Variants in KLF12 observed in about 807,000 individuals in gnomAD.
The protein encoded by KLF12 is Krueppel-like factor 12.
In KLF12, 9 loss-of-function variants were observed where a neutral mutation model predicts 37.8. The observed-to-expected ratio is 0.24, with a 90% CI of 0.14 to 0.42. The LOEUF (loss-of-function observed/expected upper bound fraction) is 0.42, where lower values mean the gene tolerates loss of function less well. Ranked by LOEUF, KLF12 falls within the 10% of genes least tolerant of loss-of-function variation. KLF12 has a pLI of 1.00. For missense variants in KLF12, 411 were observed against 516.0 expected (o/e 0.80, Z 1.97); for synonymous variants, 208 against 202.1 (o/e 1.03, Z -0.25).
At chr13:73,983,470 G>A (rs137892415) in intron 2 of KLF12, among the ~76,000 whole-genome samples, 391 of 152,208 alleles carry the variant, frequency 2.6e-3, no homozygotes, top group Non-Finnish European at 4.6e-3. Context: ...CTCCAGCACC[G>A]TGTCCTCCCA....
chr13:74,145,913 G>A, the KLF12 span, among the ~76,000 whole-genome samples: 1 of 152,136 alleles, frequency 6.6e-6, no homozygotes, highest in Non-Finnish European at 1.5e-5. Context: ...TAGTATCACA[G>A]AGTCTAAGAA....
At chr13:74,179,585 G>A in the KLF12 span, among the ~76,000 whole-genome samples, 1 of 152,166 alleles carries the variant, frequency 6.6e-6, no homozygotes, top group African/African-American at 2.4e-5. Flanking sequence ...CATTTGCTCA[G>A]TAATTTAACT....
intron 2 of KLF12, among the ~76,000 whole-genome samples, chr13:73,968,543 T>G (rs910473689): frequency 3.9e-5 from 6 of 152,194 alleles, no homozygotes; most frequent in African/African-American, 1.4e-4. Context: ...TCTTTCGTCG[T>G]CATCTATGCT....
intron 5 of KLF12, chr13:73,802,089 T>C (rs1882308351): frequency 6.6e-6 from 1 of 152,080 alleles, no homozygotes; most frequent in Non-Finnish European, 1.5e-5. Flanking sequence ...TTCGATTTAG[T>C]TGGGGGGTGT....
chr13:73,784,158 C>T (rs1398047584), intron 5 of KLF12, among the ~76,000 whole-genome samples: 2 of 152,174 alleles, frequency 1.3e-5, no homozygotes, highest in Non-Finnish European at 2.9e-5. Context: ...TCTGTTGCTT[C>T]TTTCAGAGCT....
At chr13:74,103,264 T>C (rs112327468) in intron 1 of KLF12, among the ~76,000 whole-genome samples, 108 of 152,352 alleles carry the variant, frequency 7.1e-4, no homozygotes, top group African/African-American at 2.5e-3. Flanking sequence ...TCCCAGCTGT[T>C]GAAAAATTTC....
chr13:73,914,466 G>C (rs1396924040), intron 3 of KLF12, among the ~76,000 whole-genome samples: 1 of 152,218 alleles, frequency 6.6e-6, no homozygotes, highest in Non-Finnish European at 1.5e-5. Context: ...CACTCAAATA[G>C]ATGTGGAGAG....
At chr13:73,946,823 C>G (rs950912052) in intron 2 of KLF12, among the ~76,000 whole-genome samples, 1 of 152,216 alleles carries the variant, frequency 6.6e-6, no homozygotes, top group Non-Finnish European at 1.5e-5. Context: ...CGGATCTAAC[C>G]TCAATCCTCA....
chr13:73,712,077 G>A (rs1163132119), intron 7 of KLF12, among the ~76,000 whole-genome samples: 2 of 152,102 alleles, frequency 1.3e-5, no homozygotes, highest in Admixed American at 1.3e-4. Context: ...GGTGGCTCAC[G>A]CCTGTAATCC....
At chr13:74,043,713 A>G (rs1477671731) in intron 1 of KLF12, among the ~76,000 whole-genome samples, 3 of 152,218 alleles carry the variant, frequency 2.0e-5, no homozygotes, top group African/African-American at 7.2e-5. Context: ...GAAAGCATAC[A>G]TTTCTCTACT....
At chr13:74,119,892 G>C (rs1306287713) in intron 1 of KLF12, among the ~76,000 whole-genome samples, 3 of 151,440 alleles carry the variant, frequency 2.0e-5, no homozygotes, top group Non-Finnish European at 2.9e-5. Flanking sequence ...ACACCTATAT[G>C]CATCATAGTA....
chr13:74,031,781 T>A (rs1455306630), intron 1 of KLF12, among the ~76,000 whole-genome samples: 1 of 122,214 alleles, frequency 8.2e-6, no homozygotes, highest in African/African-American at 3.2e-5. Flanking sequence ...CGTGATTCTT[T>A]TCCAACAAAT....
chr13:73,774,187 T>G (rs1880440558), intron 5 of KLF12, among the ~76,000 whole-genome samples: 1 of 152,066 alleles, frequency 6.6e-6, no homozygotes, highest in South Asian at 2.1e-4. Flanking sequence ...ATAGTAGTCT[T>G]ATTTTACCTA....
rs564518865 is a variant in KLF12, at chr13:73,824,652, C to T, written c.671-11365G>A. ...TCATGTCCTCATCTTATACCAACTC[C>T]GAAGAGAAAAATTTACTCTGTAAAA... is the stretch of plus-strand genomic sequence containing the variant. On this transcript the variant is annotated intron_variant, in intron 4 of 7. Transcript: ENST00000377669. Among the ~76,000 whole-genome samples the T allele has an allele frequency of 2.6e-5, 4 of 152,152 alleles. No individual in the cohort carries two copies. The South Asian group carries it at 6.2e-4, about 24-fold the overall frequency.
chr13:74,268,980 A>G, the KLF12 span, among the ~76,000 whole-genome samples: 2 of 152,226 alleles, frequency 1.3e-5, no homozygotes, highest in South Asian at 4.1e-4. Flanking sequence ...GGAGGCAGAA[A>G]GGAGAATGGA....
At chr13:74,137,222 A>G (rs1196986769), upstream of KLF12, among the ~76,000 whole-genome samples, 1 of 152,240 alleles carries the variant, frequency 6.6e-6, no homozygotes, top group East Asian at 1.9e-4. Flanking sequence ...GTGAAAAGTC[A>G]GAAAATGTAA....
chr13:73,964,016 G>A (rs76444206), intron 2 of KLF12, among the ~76,000 whole-genome samples: 4,304 of 152,284 alleles, frequency 0.028, 77 homozygotes, highest in East Asian at 0.075. Context: ...CAACTCATGC[G>A]TTTGTTTCTA....
At chr13:73,918,394 T>C (rs1218697072) in intron 3 of KLF12, among the ~76,000 whole-genome samples, 1 of 152,174 alleles carries the variant, frequency 6.6e-6, no homozygotes, top group Non-Finnish European at 1.5e-5. Flanking sequence ...TCTTTTAAAT[T>C]GCTACTAGAA....
chr13:73,862,167 G>GT (rs1368778897), intron 3 of KLF12, among the ~76,000 whole-genome samples: 1 of 151,832 alleles, frequency 6.6e-6, no homozygotes, highest in Non-Finnish European at 1.5e-5. Context: ...TTCCAGTAAG[G>GT]ATTCCAGACA....
Sources: gnomAD v4.1 joint callset for allele counts (sites outside exome capture counted in the v4.1 genomes callset) on GRCh38, gnomAD v4.1.1 for gene constraint, MANE v1.5 for transcripts, NCBI Gene and HGNC (gene_info 2026-07-23, HGNC 2026-07-21) for gene names.